CSMD1: variants seen among roughly 807,000 people sequenced by gnomAD.
CSMD1 encodes CUB and sushi domain-containing protein 1.
In CSMD1, 213 loss-of-function variants were observed where a neutral mutation model predicts 417.5. That is an observed-to-expected ratio of 0.51 (90% confidence interval 0.46 to 0.57). The LOEUF (loss-of-function observed/expected upper bound fraction) is 0.57. Among genes scored for constraint, CSMD1 ranks in the 20% least tolerant of loss-of-function variants. The probability of loss-of-function intolerance (pLI) is 0.00; values close to 1 mark genes in which losing one functional copy is unlikely to be tolerated. For synonymous variants in CSMD1, 2,862 were observed against 1,736.8 expected (o/e 1.65, Z -16.11); for missense variants, 6,923 against 4,529.7 (o/e 1.53, Z -15.17).
intron 37 of CSMD1, among the ~76,000 whole-genome samples, chr8:3,173,417 A>G (rs144671171): frequency 3.6e-4 from 55 of 152,292 alleles, no homozygotes; most frequent in African/African-American, 1.3e-3. Context: ...GACATGAATA[A>G]TCTTTGATTG....
intron 7 of CSMD1, among the ~76,000 whole-genome samples, chr8:3,698,466 C>T (rs780545949): frequency 3.3e-5 from 5 of 152,096 alleles, no homozygotes; most frequent in Admixed American, 6.6e-5. Flanking sequence ...TTTTTCCTAC[C>T]GTCAAAATCT....
In CSMD1 at chr8:3,859,503, G is replaced by A. The variant is rs573812738; in HGVS notation, c.819-105461C>T. On this transcript the variant is annotated intron_variant, in intron 5 of 69. Coordinates refer to ENST00000635120, the MANE Select transcript of CSMD1 (RefSeq NM_033225.6). ...GAATCTTTGCCATACTTATATCTTC[G>A]TTTACAGCAGGAGCTGGCCACAGTT... Among the ~76,000 whole-genome samples the A allele has an allele frequency of 8.5e-5, 13 of 152,206 alleles. 1 individual carries two copies. In the East Asian group the frequency reaches 1.2e-3, roughly 14 times the overall value.
intron 10 of CSMD1, among the ~76,000 whole-genome samples, chr8:3,529,336 C>T (rs921791749): frequency 6.6e-6 from 1 of 152,108 alleles, no homozygotes; most frequent in Admixed American, 6.5e-5. Flanking sequence ...GGCCAACACA[C>T]TTAAGTGTAC....
chr8:4,032,762 A>G (rs1797413896), intron 3 of CSMD1, among the ~76,000 whole-genome samples: 1 of 152,352 alleles, frequency 6.6e-6, no homozygotes, highest in East Asian at 1.9e-4. Flanking sequence ...CAACAGAAAT[A>G]CTGAATTCAC....
chr8:3,690,831 G>A (rs1377338405), intron 7 of CSMD1, among the ~76,000 whole-genome samples: 2 of 152,142 alleles, frequency 1.3e-5, no homozygotes, highest in Admixed American at 1.3e-4. Flanking sequence ...TAGCAAAATT[G>A]AGGTTCTTTG....
In CSMD1 at chr8:3,388,418, A is replaced by G. The variant is rs973294827; in HGVS notation, c.2594-736T>C. The stretch of plus-strand genomic sequence containing the variant: ...AGGAAAATGAGAATAAGGGAAAAGA[A>G]TATCATTGTAATGTTTACATATGCG... On this transcript the variant is annotated intron_variant, in intron 17 of 69. Transcript: ENST00000635120. Among the ~76,000 whole-genome samples, 6 of 152,254 alleles carry G rather than the reference A, an allele frequency of 3.9e-5. No homozygotes were observed. The East Asian group carries it at 7.7e-4, about 20-fold the overall frequency.
intron 3 of CSMD1, among the ~76,000 whole-genome samples, chr8:4,063,668 T>C (rs1257557961): frequency 1.3e-5 from 2 of 152,210 alleles, no homozygotes; most frequent in African/African-American, 2.4e-5. Flanking sequence ...AGGGGCATTC[T>C]ACCAGGAAGG....
chr8:3,175,019 G>A (rs1170877093), intron 37 of CSMD1, among the ~76,000 whole-genome samples: 1 of 152,078 alleles, frequency 6.6e-6, no homozygotes, highest in Non-Finnish European at 1.5e-5. Flanking sequence ...TCAGGTATAA[G>A]TTTTGAACTC....
At chr8:3,993,135 A>C (rs757531627) in intron 5 of CSMD1, among the ~76,000 whole-genome samples, 4 of 152,234 alleles carry the variant, frequency 2.6e-5, no homozygotes, top group African/African-American at 4.8e-5. Flanking sequence ...TCTTGGTGCC[A>C]ATAATTACAC....
chr8:3,522,398 A>T (rs1797545402), intron 10 of CSMD1, among the ~76,000 whole-genome samples: 1 of 152,188 alleles, frequency 6.6e-6, no homozygotes, highest in Admixed American at 6.5e-5. Context: ...TATTGTTTCC[A>T]TTTCGTGTGG....
chr8:4,885,070 TA>T (rs1214531801), intron 1 of CSMD1, among the ~76,000 whole-genome samples: 3 of 152,102 alleles, frequency 2.0e-5, no homozygotes, highest in African/African-American at 7.2e-5. Context: ...TTGTTAAAAG[TA>T]TTATTGCATT....
At chr8:4,429,269 T>C (rs750442196) in intron 2 of CSMD1, among the ~76,000 whole-genome samples, 1 of 152,044 alleles carries the variant, frequency 6.6e-6, no homozygotes, top group East Asian at 1.9e-4. Flanking sequence ...TCCTATCACT[T>C]CTTGTTGAAG....
At chr8:4,298,809 T>C (rs533179787) in intron 3 of CSMD1, among the ~76,000 whole-genome samples, 94 of 152,156 alleles carry the variant, frequency 6.2e-4, no homozygotes, top group African/African-American at 7.5e-4. Flanking sequence ...GTAAAATACA[T>C]GTACCCTAGA....
rs1028449683 is a variant in CSMD1 at position 4,538,578 on chromosome 8, C to T, written c.302+98764G>A. On this transcript the variant is annotated intron_variant, in intron 2 of 69. Coordinates refer to ENST00000635120, the MANE Select transcript of CSMD1 (RefSeq NM_033225.6). ...GAATCGCTTGAACCCAGGAGTTGGA[C>T]GTTGCAGTGAGCCGAGATCGCACCA... Among the ~76,000 whole-genome samples, 5 of 151,676 alleles carry T rather than the reference C, an allele frequency of 3.3e-5. No individual in the cohort carries two copies. The Middle Eastern group carries it at 0.01, about 312-fold the overall frequency.
At chr8:3,869,721 G>C (rs139906256) in intron 5 of CSMD1, among the ~76,000 whole-genome samples, 123 of 152,186 alleles carry the variant, frequency 8.1e-4, no homozygotes, top group African/African-American at 2.9e-3. Context: ...AGCTCATCCT[G>C]GCAGGACCCA....
At chr8:4,093,533 T>A (rs541736039) in intron 3 of CSMD1, among the ~76,000 whole-genome samples, 1 of 152,324 alleles carries the variant, frequency 6.6e-6, no homozygotes, top group Non-Finnish European at 1.5e-5. Flanking sequence ...AAATTTTACA[T>A]ACTACGAGTT....
intron 3 of CSMD1, among the ~76,000 whole-genome samples, chr8:4,111,090 C>G (rs1230526365): frequency 6.6e-6 from 1 of 152,134 alleles, no homozygotes; most frequent in African/African-American, 2.4e-5. Flanking sequence ...AATCTAGTAT[C>G]TTTCAAGGAT....
intron 1 of CSMD1, among the ~76,000 whole-genome samples, chr8:4,723,305 C>A (rs1027097539): frequency 6.6e-6 from 1 of 152,278 alleles, no homozygotes; most frequent in East Asian, 1.9e-4. Context: ...CCAATTACTA[C>A]AATAGCCAGG....
At chr8:4,523,770 A>G (rs1803621622) in intron 2 of CSMD1, among the ~76,000 whole-genome samples, 1 of 152,212 alleles carries the variant, frequency 6.6e-6, no homozygotes, top group Admixed American at 6.5e-5. Context: ...TTAAAATAAC[A>G]TAATTGTATG....
Sources: gnomAD v4.1 joint callset for allele counts (sites outside exome capture counted in the v4.1 genomes callset) on GRCh38, gnomAD v4.1.1 for gene constraint, MANE v1.5 for transcripts, NCBI Gene and HGNC (gene_info 2026-07-23, HGNC 2026-07-21) for gene names.